SPRTN: variants seen among roughly 807,000 people sequenced by gnomAD.
The protein encoded by SPRTN is DNA-dependent metalloprotease SPRTN.
A neutral mutation model predicts 31.9 loss-of-function variants in SPRTN; 11 were observed. That is an observed-to-expected ratio of 0.34 (90% confidence interval 0.22 to 0.57). The LOEUF is 0.57. SPRTN is among the 20% of genes least tolerant of loss of function. SPRTN has a pLI of 0.86. For synonymous variants in SPRTN, 185 were observed against 212.1 expected (o/e 0.87, Z 1.11); for missense variants, 482 against 590.1 (o/e 0.82, Z 1.90).
rs779873179 is a variant in SPRTN at position 231,352,593 on chromosome 1, C to A, written c.719-17C>A. On this transcript the variant is annotated splice_polypyrimidine_tract_variant and intron_variant, in intron 4 of 4. Coordinates refer to ENST00000295050, the MANE Select transcript of SPRTN (RefSeq NM_032018.7). ...GTTGAGGCACTTACATAACAATCTT[C>A]TTTGCTTTTTTGGCAGATAAACCCA... The A allele has an allele frequency of 6.5e-7, 1 of 1,544,352 alleles. No homozygotes were observed. Among genetic ancestry groups the A allele is most frequent in the South Asian group, 1.3e-5 (1 of 78,802 alleles).
chr1:231,352,262 G>A (rs1171448238), intron 4 of SPRTN: 1 of 1,018,714 alleles, frequency 9.8e-7, no homozygotes, highest in African/African-American at 1.7e-5. Flanking sequence ...ATTTTCGTGA[G>A]TAGAAGGAAA....
Position 231,346,542 on chromosome 1 carries a change from C to T in SPRTN, c.322-1255C>T, listed in dbSNP as rs186541656. On this transcript the variant is annotated intron_variant, in intron 2 of 4. Transcript: ENST00000295050. ...CCATTTTGAAATTGGGTTGTCATTCCCTGTTGACATTAGGAGCTCCTTGTA... is the reference window on the plus strand; with the variant it reads ...CCATTTTGAAATTGGGTTGTCATTCTCTGTTGACATTAGGAGCTCCTTGTA... 4.6e-5 allele frequency among the ~76,000 whole-genome samples: 7 copies of T among 151,910 alleles called. No individual in the cohort carries two copies. The East Asian group carries it at 1.4e-3, about 29-fold the overall frequency.
Position 231,346,362 on chromosome 1 carries a change from T to A in SPRTN, c.322-1435T>A, listed in dbSNP as rs1053488453. 2.0e-4 allele frequency among the ~76,000 whole-genome samples: 28 copies of A among 136,960 alleles called. No individual in the cohort carries two copies. The South Asian group carries it at 3.5e-3, about 17-fold the overall frequency. 89.9% of individuals were successfully genotyped at this position (136,960 alleles called of 152,430 possible). Reference sequence around the variant, plus strand: ...CGGGCGCAACTATGCCCAGCCAAAATTTTTTTTTTTTTTTTTTGTATTTTA... The same window carrying A: ...CGGGCGCAACTATGCCCAGCCAAAAATTTTTTTTTTTTTTTTTGTATTTTA... On this transcript the variant is annotated intron_variant, in intron 2 of 4. Coordinates refer to ENST00000295050, the MANE Select transcript of SPRTN (RefSeq NM_032018.7).
chr1:231,345,231 C>CCTGCCT (rs1234575667), intron 2 of SPRTN, among the ~76,000 whole-genome samples: 12 of 151,716 alleles, frequency 7.9e-5, no homozygotes, highest in Non-Finnish European at 1.2e-4. Flanking sequence ...AGGTGATTCT[C>CCTGCCT]CTGCCTCTGC....
At position 231,352,625 on chromosome 1, in the gene SPRTN, G is replaced by T. The variant is rs771260408; in HGVS notation, c.734G>T (p.Gly245Val). The change falls in exon 5 of 5, where the codon GGT (glycine) becomes GTT (valine). Residue 245 changes from glycine (G) to valine (V), a missense_variant. Gly to Val is a moderately radical substitution (Grantham distance 109, BLOSUM62 -3). Around this residue, in one of 2 missense-constraint regions of SPRTN, gnomAD observed 325 missense variants for 350.2 expected, o/e 0.93. Transcript: ENST00000295050. Reference protein sequence around the residue: ...AAENKDKPNRGEAQLVIPFSG... With the variant: ...AAENKDKPNRVEAQLVIPFSG... ...TTTTTGGCAGATAAACCCAACAGAG[G>T]TGAGGCCCAGCTAGTAATCCCTTTT... 6.3e-7 allele frequency: 1 copy of T among 1,588,732 alleles called. No individual in the cohort carries two copies. Among genetic ancestry groups the T allele is most frequent in the East Asian group, 2.2e-5 (1 of 44,762 alleles).
At chr1:231,349,904 C>T (rs1044675923) in intron 3 of SPRTN, among the ~76,000 whole-genome samples, 3 of 152,092 alleles carry the variant, frequency 2.0e-5, no homozygotes, top group African/African-American at 7.2e-5. Flanking sequence ...CGCGGCTACT[C>T]GAGAGGCAGA....
At chr1:231,339,290 T>C (rs1022068103) in intron 1 of SPRTN, 2 of 282,710 alleles carry the variant, frequency 7.1e-6, no homozygotes, top group South Asian at 4.5e-5. Context: ...GCGTCTGTTA[T>C]GATTTTGGAG....
chr1:231,354,998 T>G lies in SPRTN; in HGVS notation c.*1637T>G, dbSNP rs1687349608. ...TGATATTCCTTAAAGCATTAAAACA[T>G]TTTAATAAATACTTATAAATAGGTA... On this transcript the variant is annotated 3_prime_UTR_variant, in exon 5 of 5. Transcript: ENST00000295050. 11 of 858,552 alleles carry G rather than the reference T, an allele frequency of 1.3e-5. No homozygotes were observed. The South Asian group carries it at 5.9e-4, about 46-fold the overall frequency. The allele number at this position is 858,552 out of a possible 1,614,324, so 53.2% of individuals were successfully genotyped here.
chr1:231,339,678 C>T (rs560920032), intron 1 of SPRTN, 91 bp from the exon 2 acceptor site: 20 of 1,261,560 alleles, frequency 1.6e-5, no homozygotes, highest in Middle Eastern at 1.9e-4. Context: ...AAGCCATCTG[C>T]CAACTGAGTT....
At chr1:231,343,209 G>A (rs1016437146) in intron 2 of SPRTN, among the ~76,000 whole-genome samples, 2 of 151,704 alleles carry the variant, frequency 1.3e-5, no homozygotes, top group Non-Finnish European at 2.9e-5. Context: ...TATAGCCTAG[G>A]TATATACACT....
chr1:231,351,597 T>A (rs887413504), intron 4 of SPRTN, 26 bp downstream of exon 4: 3 of 1,610,240 alleles, frequency 1.9e-6, no homozygotes, highest in African/African-American at 1.3e-5. Flanking sequence ...TTCTTCTGAT[T>A]TTTATGTGAC....
In SPRTN at chr1:231,338,618, C is replaced by G; in HGVS notation, c.221+14C>G. On this transcript the variant is annotated intron_variant, in intron 1 of 4. Transcript: ENST00000295050. ...GCGAATGACCCTGTGAGTTCCGAGC[C>G]CCGCTGGGGAAAGAGGCGGGACTGG... 1 of 1,613,398 alleles carries G rather than the reference C, an allele frequency of 6.2e-7. No homozygotes were observed. Among genetic ancestry groups the G allele is most frequent in the East Asian group, 2.2e-5 (1 of 44,868 alleles).
Position 231,339,798 on chromosome 1 carries a change from A to G in SPRTN, c.251A>G (p.Lys84Arg). 6.2e-7 allele frequency: 1 copy of G among 1,614,172 alleles called. No individual in the cohort carries two copies. Among genetic ancestry groups the G allele is most frequent in the Non-Finnish European group, 8.5e-7 (1 of 1,180,008 alleles). Residue 84 changes from lysine to arginine, a missense_variant, in exon 2 of 5, where the codon AAG becomes AGG. Lys to Arg is a conservative substitution (Grantham distance 26). Around this residue, in one of 2 missense-constraint regions of SPRTN, gnomAD observed 157 missense variants for 239.9 expected, o/e 0.65. Transcript: ENST00000295050. ...GCTGGGATATGCAGCTATGAAGGGA[A>G]GGGTGGAATGTGTTCCATCCGTCTC... ...LCAGICSYEG[K>R]GGMCSIRLSE... is the part of the protein sequence containing the mutation.
chr1:231,349,342 GAC>G (rs1383645880), intron 3 of SPRTN, among the ~76,000 whole-genome samples: 2 of 152,070 alleles, frequency 1.3e-5, no homozygotes, highest in Non-Finnish European at 2.9e-5. Context: ...TTCATTATTA[GAC>G]ACAGTTACTT....
rs750049301 is a variant in SPRTN, at chr1:231,352,590, C to G, written c.719-20C>G. The G allele has an allele frequency of 6.5e-7, 1 of 1,541,714 alleles. No individual in the cohort carries two copies. The highest frequency in any genetic ancestry group is 8.7e-7 in the Non-Finnish European group (1 of 1,149,360). ...TGAGTTGAGGCACTTACATAACAATCTTCTTTGCTTTTTTGGCAGATAAAC... is the reference window on the plus strand; with the variant it reads ...TGAGTTGAGGCACTTACATAACAATGTTCTTTGCTTTTTTGGCAGATAAAC... On this transcript the variant is annotated intron_variant, in intron 4 of 4. Coordinates refer to ENST00000295050, the MANE Select transcript of SPRTN (RefSeq NM_032018.7).
At chr1:231,341,126 C>G (rs1362202919) in intron 2 of SPRTN, among the ~76,000 whole-genome samples, 2 of 151,478 alleles carry the variant, frequency 1.3e-5, no homozygotes, top group Non-Finnish European at 2.9e-5. Flanking sequence ...AACAAAATAT[C>G]AGTTAAATGT....
At chr1:231,339,218 C>T (rs1332995177) in intron 1 of SPRTN, among the ~76,000 whole-genome samples, 1 of 152,218 alleles carries the variant, frequency 6.6e-6, no homozygotes, top group Non-Finnish European at 1.5e-5. Context: ...AAACAACCTA[C>T]TGTCAAACAA....
Position 231,354,211 on chromosome 1 carries a change from A to C in SPRTN, c.*850A>C. 1 of 980,256 alleles carries C rather than the reference A, an allele frequency of 1.0e-6. No homozygotes were observed. The highest frequency in any genetic ancestry group is 1.2e-6 in the Non-Finnish European group (1 of 825,224). 60.7% of individuals were successfully genotyped at this position (980,256 alleles called of 1,614,324 possible). A position where few individuals can be genotyped will look rare whatever the true frequency, so the allele number is the denominator to read the frequency against. ...TATTTTGAACTTTAAGCCAAGTTTA[A>C]AACATTATAATAAAAGGAATACCAT... On this transcript the variant is annotated 3_prime_UTR_variant, in exon 5 of 5. Coordinates refer to ENST00000295050, the MANE Select transcript of SPRTN (RefSeq NM_032018.7).
rs1472257886 is a variant in SPRTN at position 231,353,196 on chromosome 1, G to GTAT, written c.1306_1308dup (p.Tyr436dup). ...TAAAAAGCAGTGGTAATGATCCAAAGTATAGTACAACCACAGCTCAGAATT... is the reference window on the plus strand; with the variant it reads ...TAAAAAGCAGTGGTAATGATCCAAAGTATTATAGTACAACCACAGCTCAGAATT... On this transcript the variant is annotated inframe_insertion, in exon 5 of 5. Transcript: ENST00000295050. The GTAT allele has an allele frequency of 6.2e-7, 1 of 1,613,852 alleles. No individual in the cohort carries two copies. The highest frequency in any genetic ancestry group is 8.5e-7 in the Non-Finnish European group (1 of 1,179,952).
Sources: gnomAD v4.1 joint callset for allele counts (sites outside exome capture counted in the v4.1 genomes callset) on GRCh38, gnomAD v4.1.1 for gene constraint, gnomAD v4.1.1 regional missense constraint, MANE v1.5 for transcripts, NCBI Gene and HGNC (gene_info 2026-07-23, HGNC 2026-07-21) for gene names.